The following PTPN20 variants were observed in gnomAD, a reference collection of about 807,000 sequenced individuals.
PTPN20 encodes protein tyrosine phosphatase non-receptor type 20.
Under a neutral mutation model 35.0 loss-of-function variants are expected in PTPN20, and 9 were observed. The ratio of observed to expected loss-of-function variants is 0.26; its 90% CI spans 0.15 to 0.45. The LOEUF is 0.45. Ranked by LOEUF, PTPN20 falls within the 20% of genes least tolerant of loss-of-function variation. The pLI, the probability that PTPN20 is intolerant of heterozygous loss-of-function variation, is 1.00. For missense variants in PTPN20, 111 were observed against 312.5 expected (o/e 0.36, Z 4.86); for synonymous variants, 32 against 100.2 (o/e 0.32, Z 4.06).
intron 5 of PTPN20, among the ~76,000 whole-genome samples, chr10:46,951,023 G>A (rs1295874189): frequency 6.8e-6 from 1 of 146,708 alleles, no homozygotes; most frequent in Non-Finnish European, 1.5e-5. Context: ...ATATTTACAT[G>A]TATTTCCTAA....
intron 9 of PTPN20, among the ~76,000 whole-genome samples, chr10:46,992,747 C>G (rs2137403497): frequency 6.6e-6 from 1 of 152,286 alleles, no homozygotes; most frequent in African/African-American, 2.4e-5. Flanking sequence ...TAGTTAAGAA[C>G]AATTTCTGGC....
At chr10:46,999,452 A>G (rs2059719027) in intron 9 of PTPN20, among the ~76,000 whole-genome samples, 3 of 152,144 alleles carry the variant, frequency 2.0e-5, no homozygotes, top group Admixed American at 6.5e-5. Flanking sequence ...GCACCAACTC[A>G]ATGACCACAC....
chr10:47,000,602 A>C, intron 10 of PTPN20, 74 bp from the exon 11 acceptor site: 2 of 1,572,778 alleles, frequency 1.3e-6, no homozygotes, highest in Non-Finnish European at 1.7e-6. Flanking sequence ...GAAAATTACA[A>C]ATGTGTTTTC....
intron 8 of PTPN20, among the ~76,000 whole-genome samples, chr10:46,985,512 A>C (rs2056735901): frequency 7.8e-6 from 1 of 127,606 alleles, no homozygotes; most frequent in African/African-American, 3.1e-5. Context: ...ATTTATGTAA[A>C]ATAACAAATT....
intron 1 of PTPN20, among the ~76,000 whole-genome samples, chr10:46,929,360 A>G (rs1449910848): frequency 5.4e-5 from 8 of 147,102 alleles, no homozygotes; most frequent in South Asian, 2.2e-4. Flanking sequence ...CTAATTCTCT[A>G]TTTTCTATAC....
intron 5 of PTPN20, among the ~76,000 whole-genome samples, chr10:46,954,840 T>C (rs1351577481): frequency 4.0e-5 from 6 of 151,500 alleles, no homozygotes; most frequent in Non-Finnish European, 7.3e-5. Context: ...GATATATTTC[T>C]TTTTCATAAA....
At chr10:46,937,310 T>G (rs2041972570) in intron 2 of PTPN20, among the ~76,000 whole-genome samples, 1 of 148,824 alleles carries the variant, frequency 6.7e-6, no homozygotes, top group Admixed American at 6.7e-5. Flanking sequence ...CTGGCATTTT[T>G]TCTTTTCAGT....
intron 2 of PTPN20, among the ~76,000 whole-genome samples, chr10:46,938,100 A>G (rs1281541660): frequency 2.1e-4 from 32 of 151,680 alleles, no homozygotes; most frequent in South Asian, 1.9e-3. Flanking sequence ...GCAGGTGCGC[A>G]CCACCATGCC....
chr10:46,991,730 T>C (rs1238811014), intron 9 of PTPN20, among the ~76,000 whole-genome samples: 6 of 147,418 alleles, frequency 4.1e-5, no homozygotes, highest in Non-Finnish European at 8.9e-5. Flanking sequence ...TTTATTTTAT[T>C]TAATAATGCT....
intron 9 of PTPN20, among the ~76,000 whole-genome samples, chr10:46,990,594 C>T (rs1338012642): frequency 2.5e-5 from 1 of 40,522 alleles, no homozygotes; most frequent in Non-Finnish European, 4.4e-5. Flanking sequence ...CTTAGCACTG[C>T]TTTAGCTGCA....
Position 47,000,658 on chromosome 10 carries a change from T to TA in PTPN20, c.1198-18_1198-17insA. ...CAATTACTTAACATTCTGTTGTTTT[T>TA]TATATATATGTATATAGGAGCAGTA... is the stretch of plus-strand genomic sequence containing the variant. On this transcript the variant is annotated splice_polypyrimidine_tract_variant and intron_variant, in intron 10 of 10. Coordinates refer to ENST00000374339, the MANE Select transcript of PTPN20 (RefSeq NM_001042357.5). The TA allele has an allele frequency of 6.2e-7, 1 of 1,611,832 alleles. No homozygotes were observed. Among genetic ancestry groups the TA allele is most frequent in the Non-Finnish European group, 8.5e-7 (1 of 1,178,566 alleles).
In PTPN20 at chr10:47,000,812, C is replaced by T; in HGVS notation, c.*71C>T. ...CACCTCCTCATAAAGAACATGTTTG[C>T]ACTGTGCTGAAGGGCTTTGCTATGC... is the stretch of plus-strand genomic sequence containing the variant. On this transcript the variant is annotated 3_prime_UTR_variant, in exon 11 of 11. Transcript: ENST00000374339. 1.9e-6 allele frequency: 3 copies of T among 1,570,408 alleles called. No individual in the cohort carries two copies. Among genetic ancestry groups the T allele is most frequent in the Non-Finnish European group, 2.6e-6 (3 of 1,140,462 alleles).
intron 6 of PTPN20, among the ~76,000 whole-genome samples, chr10:46,966,295 TACAC>T (rs1337745465): frequency 6.6e-6 from 1 of 151,594 alleles, no homozygotes; most frequent in Non-Finnish European, 1.5e-5. Context: ...TTGTTTGTGT[TACAC>T]ACAGGTGCAC....
chr10:46,977,208 C>T (rs2053989392), intron 7 of PTPN20, among the ~76,000 whole-genome samples: 1 of 152,306 alleles, frequency 6.6e-6, no homozygotes, highest in African/African-American at 2.4e-5. Context: ...TCCAGACTGC[C>T]TTTGCACTCA....
chr10:46,937,644 TGTCTCTA>T (rs1382459455), intron 2 of PTPN20, among the ~76,000 whole-genome samples: 5 of 151,520 alleles, frequency 3.3e-5, no homozygotes, highest in Non-Finnish European at 5.9e-5. Flanking sequence ...GTTCATACAT[TGTCTCTA>T]GAAATTTCAG....
At chr10:46,964,920 CA>C (rs1363701206) in intron 5 of PTPN20, 65 bp from the exon 6 acceptor site, 1 of 31,424 alleles carries the variant, frequency 3.2e-5, no homozygotes, top group African/African-American at 1.8e-4. Context: ...GAAACAGAAA[CA>C]AAAATAAAAT....
intron 7 of PTPN20, among the ~76,000 whole-genome samples, chr10:46,975,966 G>A (rs2053455669): frequency 2.0e-5 from 3 of 151,442 alleles, no homozygotes; most frequent in Non-Finnish European, 4.4e-5. Flanking sequence ...GAGCTGTTTT[G>A]TTTCTTTAAG....
At chr10:47,000,234 A>G (rs918403351) in intron 10 of PTPN20, among the ~76,000 whole-genome samples, 2 of 152,178 alleles carry the variant, frequency 1.3e-5, no homozygotes, top group Non-Finnish European at 2.9e-5. Context: ...TCGTGTCCAA[A>G]CACATGCCTT....
chr10:46,937,956 T>C (rs1390053747), intron 2 of PTPN20, among the ~76,000 whole-genome samples: 12 of 148,722 alleles, frequency 8.1e-5, no homozygotes, highest in South Asian at 2.1e-4. Context: ...TTTTCTTTTT[T>C]TTTTTTTTTC....
Sources: gnomAD v4.1 joint callset for allele counts (sites outside exome capture counted in the v4.1 genomes callset) on GRCh38, gnomAD v4.1.1 for gene constraint, MANE v1.5 for transcripts, NCBI Gene and HGNC (gene_info 2026-07-23, HGNC 2026-07-21) for gene names.